SLC12A9: variants seen among roughly 807,000 people sequenced by gnomAD.
SLC12A9 encodes CCC-interacting protein 1.
SLC12A9 carries 55 observed loss-of-function variants against 66.0 expected under a neutral mutation model. The ratio of observed to expected loss-of-function variants is 0.83; its 90% CI spans 0.67 to 1.04. SLC12A9 has a LOEUF of 1.04. Ranked by LOEUF, SLC12A9 falls within the 50% of genes least tolerant of loss-of-function variation. The probability of loss-of-function intolerance (pLI) is 0.00; values close to 1 mark genes in which losing one functional copy is unlikely to be tolerated. For synonymous variants in SLC12A9, 577 were observed against 569.0 expected (o/e 1.01, Z -0.20); for missense variants, 1,061 against 1,241.9 (o/e 0.85, Z 2.19).
Position 100,861,519 on chromosome 7 carries a change from C to T in SLC12A9, c.1471C>T (p.Leu491=), listed in dbSNP as rs774505352. Residue 491 remains leucine (L), a synonymous_variant, in exon 11 of 14, where the codon CTG becomes TTG. Coordinates refer to ENST00000354161, the MANE Select transcript of SLC12A9 (RefSeq NM_020246.4). The surrounding 1 kb of genome is among the most constrained non-coding windows in gnomAD (Gnocchi z 5.3). The part of the protein sequence containing the change: ...SLLLMGLLAA[L]LTARGGPSSW... ...GCTCCTCATGGGTCTGCTGGCTGCCCTGCTCACCGCGCGAGGAGGCCCCAG... is the reference window on the plus strand; with the variant it reads ...GCTCCTCATGGGTCTGCTGGCTGCCTTGCTCACCGCGCGAGGAGGCCCCAG... 1 of 1,613,918 alleles carries T rather than the reference C, an allele frequency of 6.2e-7. No homozygotes were observed. Among genetic ancestry groups the T allele is most frequent in the South Asian group, 1.1e-5 (1 of 91,080 alleles).
chr7:100,838,515 T>C (rs2116514888), intron 1 of SLC12A9, among the ~76,000 whole-genome samples: 1 of 152,084 alleles, frequency 6.6e-6, no homozygotes, highest in Non-Finnish European at 1.5e-5. Flanking sequence ...GAGGAGATAC[T>C]ATTATTTATT....
At chr7:100,840,692 G>A (rs1813768461) in intron 1 of SLC12A9, among the ~76,000 whole-genome samples, 1 of 149,094 alleles carries the variant, frequency 6.7e-6, no homozygotes, top group Admixed American at 6.8e-5. Flanking sequence ...AAGAGACAGA[G>A]GCAAAAAGAA....
At chr7:100,836,013 G>C (rs1004464586) in intron 1 of SLC12A9, among the ~76,000 whole-genome samples, 2 of 152,142 alleles carry the variant, frequency 1.3e-5, no homozygotes, top group Non-Finnish European at 2.9e-5. Flanking sequence ...GTAGTGGGAG[G>C]CTCATTGTCC....
chr7:100,865,669 C>T, intron 13 of SLC12A9, 50 bp from the exon 14 acceptor site: 1 of 1,565,008 alleles, frequency 6.4e-7, no homozygotes, highest in Non-Finnish European at 8.7e-7. Context: ...GTAAACTTAG[C>T]CTGTGAGCCT....
chr7:100,860,941 C>G (rs1227939344), intron 9 of SLC12A9, 197 bp from the exon 10 acceptor site: 8 of 936,026 alleles, frequency 8.5e-6, no homozygotes, highest in Admixed American at 2.0e-5. Context: ...TGGGGGTGCA[C>G]TGGCACTTTT....
chr7:100,833,948 A>G (rs1181941509), intron 1 of SLC12A9, among the ~76,000 whole-genome samples: 18 of 121,482 alleles, frequency 1.5e-4, no homozygotes, highest in South Asian at 2.7e-4. Context: ...AAAAAAAAAA[A>G]AAAAAAAAAA....
chr7:100,850,185 C>T (rs1814028723), upstream of SLC12A9, among the ~76,000 whole-genome samples: 1 of 150,020 alleles, frequency 6.7e-6, no homozygotes, highest in Non-Finnish European at 1.5e-5. Context: ...CTTCTTTTCC[C>T]TCCCTCCCTT....
At chr7:100,827,172 T>G in intron 1 of SLC12A9, 1 of 797,956 alleles carries the variant, frequency 1.3e-6, no homozygotes, top group Non-Finnish European at 1.7e-6. Context: ...CATGCGAGCG[T>G]GCGGGGCACC....
chr7:100,839,334 AAGAC>A (rs1488223673), intron 1 of SLC12A9, among the ~76,000 whole-genome samples: 2 of 152,086 alleles, frequency 1.3e-5, no homozygotes, highest in Non-Finnish European at 2.9e-5. Context: ...AAAAAAAAAA[AAGAC>A]AGGAATTGCT....
chr7:100,832,137 T>C (rs946045385), intron 1 of SLC12A9, among the ~76,000 whole-genome samples: 4 of 151,920 alleles, frequency 2.6e-5, no homozygotes, highest in African/African-American at 7.3e-5. Flanking sequence ...GAGGCGGAGG[T>C]TGCAGTGAGC....
rs771379238 is a variant in SLC12A9 at position 100,861,146 on chromosome 7, C to A, written c.1227C>A (p.Leu409=). 1.2e-6 allele frequency: 2 copies of A among 1,614,194 alleles called. No homozygotes were observed. The highest frequency in any genetic ancestry group is 1.1e-5 in the South Asian group (1 of 91,082). Residue 409 remains leucine, a synonymous_variant, in exon 10 of 14, where the codon CTC becomes CTA. Transcript: ENST00000354161. This position sits in a 1 kb window ranked among gnomAD's most constrained non-coding sequence, Gnocchi z 5.3. ...TCTTGGCCCTTGCCCAGCTGGTGCT[C>A]CTGGCTGGGAAGCTGAACACACTGG... is the stretch of plus-strand genomic sequence containing the variant. The part of the protein sequence containing the change: ...LYSWGLVQLV[L]LAGKLNTLAA...
chr7:100,863,592 T>C (rs947067880), intron 13 of SLC12A9, among the ~76,000 whole-genome samples: 6 of 152,150 alleles, frequency 3.9e-5, no homozygotes, highest in Non-Finnish European at 8.8e-5. Flanking sequence ...GGTTGGGATG[T>C]AGGAGATGTA....
intron 4 of SLC12A9, 102 bp from the exon 5 acceptor site, chr7:100,856,766 C>G: frequency 1.7e-6 from 2 of 1,180,848 alleles, no homozygotes; most frequent in Non-Finnish European, 2.4e-6. Flanking sequence ...CCCACCTCGG[C>G]CTCCCAAAGT....
intron 1 of SLC12A9, among the ~76,000 whole-genome samples, chr7:100,845,445 G>A (rs1398292894): frequency 2.0e-5 from 3 of 151,970 alleles, no homozygotes; most frequent in Non-Finnish European, 4.4e-5. Context: ...TACCTCCCGG[G>A]TTCACGCCAT....
chr7:100,865,617 C>T, intron 13 of SLC12A9, 102 bp from the exon 14 acceptor site: 1 of 1,557,350 alleles, frequency 6.4e-7, no homozygotes, highest in Non-Finnish European at 8.7e-7. Flanking sequence ...AATGTCATAC[C>T]TATGGCTGAC....
In SLC12A9 at chr7:100,866,184, G is replaced by A. The variant is rs770485080; in HGVS notation, c.2324G>A (p.Arg775Gln). 33 of 1,612,110 alleles carry A rather than the reference G, an allele frequency of 2.0e-5. No individual in the cohort carries two copies. The East Asian group carries it at 4.5e-4, about 22-fold the overall frequency. Residue 775 changes from arginine (R) to glutamine (Q), a missense_variant, in exon 14 of 14, where the codon CGG becomes CAG. Physicochemically the swap from Arg to Gln is conservative, Grantham distance 43. Coordinates refer to ENST00000354161, the MANE Select transcript of SLC12A9 (RefSeq NM_020246.4). The surrounding 1 kb of genome is among the most constrained non-coding windows in gnomAD (Gnocchi z 7.3). ...RLRIFLCLGPREAPGAAEGRL... is the reference protein window; with the variant it reads ...RLRIFLCLGPQEAPGAAEGRL... Reference sequence around the variant, plus strand: ...CGGATCTTCCTGTGCCTGGGGCCTCGGGAGGCGCCTGGGGCGGCCGAGGGG... The same window carrying A: ...CGGATCTTCCTGTGCCTGGGGCCTCAGGAGGCGCCTGGGGCGGCCGAGGGG...
At position 100,866,615 on chromosome 7, in the gene SLC12A9, C is replaced by T; in HGVS notation, c.*10C>T. The stretch of plus-strand genomic sequence containing the variant: ...CTGCACTGATCTGTGATGCCCCTGC[C>T]TCCAGGGCTAGGTAGAGAGGGCCCA... On this transcript the variant is annotated 3_prime_UTR_variant, in exon 14 of 14. Transcript: ENST00000354161. This position sits in a 1 kb window ranked among gnomAD's most constrained non-coding sequence, Gnocchi z 7.3. 1 of 1,541,918 alleles carries T rather than the reference C, an allele frequency of 6.5e-7. No individual in the cohort carries two copies. The highest frequency in any genetic ancestry group is 8.8e-7 in the Non-Finnish European group (1 of 1,141,398).
chr7:100,865,109 C>G (rs1814991052), intron 13 of SLC12A9, among the ~76,000 whole-genome samples: 1 of 152,130 alleles, frequency 6.6e-6, no homozygotes, highest in Non-Finnish European at 1.5e-5. Flanking sequence ...AGATGCCCAC[C>G]ACAATGCCCG....
chr7:100,866,150 G>A lies in SLC12A9; in HGVS notation c.2290G>A (p.Ala764Thr), dbSNP rs751243414. ...ILGMVPAWHS[A>T]RLRIFLCLGP... ...GGGCATGGTGCCCGCTTGGCATAGCGCCCGGCTCCGGATCTTCCTGTGCCT... is the reference window on the plus strand; with the variant it reads ...GGGCATGGTGCCCGCTTGGCATAGCACCCGGCTCCGGATCTTCCTGTGCCT... The change falls in exon 14 of 14, where the codon GCC (alanine) becomes ACC (threonine). Residue 764 changes from alanine to threonine, a missense_variant. Transcript: ENST00000354161. This position sits in a 1 kb window ranked among gnomAD's most constrained non-coding sequence, Gnocchi z 7.3. 1.6e-5 allele frequency: 26 copies of A among 1,612,664 alleles called. No individual in the cohort carries two copies. Among genetic ancestry groups the A allele is most frequent in the African/African-American group, 4.0e-5 (3 of 74,922 alleles).
Sources: allele counts gnomAD v4.1 joint callset (sites outside exome capture counted in the v4.1 genomes callset), GRCh38; gene constraint gnomAD v4.1.1; non-coding constraint Gnocchi (gnomAD v3.1); transcripts MANE v1.5; gene names NCBI Gene and HGNC (gene_info 2026-07-23, HGNC 2026-07-21).